The following TMEM63C variants were observed in gnomAD, a reference collection of about 807,000 sequenced individuals.
The protein encoded by TMEM63C is osmosensitive cation channel TMEM63C.
In TMEM63C, 32 loss-of-function variants were observed where a neutral mutation model predicts 99.2. That is an observed-to-expected ratio of 0.32 (90% CI 0.24 to 0.43). The LOEUF (loss-of-function observed/expected upper bound fraction) is 0.43, where lower values mean the gene tolerates loss of function less well. Among genes scored for constraint, TMEM63C ranks in the 20% least tolerant of loss-of-function variants. TMEM63C has a pLI of 1.00. For missense variants in TMEM63C, 826 were observed against 1,053.0 expected (o/e 0.78, Z 2.98); for synonymous variants, 376 against 397.9 (o/e 0.94, Z 0.66).
chr14:77,215,614 A>AAAAAAAAG (rs772701077), intron 2 of TMEM63C, among the ~76,000 whole-genome samples: 50 of 76,552 alleles, frequency 6.5e-4, no homozygotes, highest in Middle Eastern at 8.9e-3. Context: ...AAAAAAAAAA[A>AAAAAAAAG]AAAAGAAAAG....
At chr14:77,189,229 C>T (rs1328514751) in intron 1 of TMEM63C, among the ~76,000 whole-genome samples, 1 of 151,760 alleles carries the variant, frequency 6.6e-6, no homozygotes, top group African/African-American at 2.4e-5. Flanking sequence ...TCCACCTCAG[C>T]CTCCTGAGTA....
chr14:77,248,740 C>T, intron 19 of TMEM63C, 27 bp from the exon 20 acceptor site: 3 of 1,606,538 alleles, frequency 1.9e-6, no homozygotes, highest in Non-Finnish European at 2.6e-6. Flanking sequence ...TGGGCCACCT[C>T]AGGGTGACAC....
chr14:77,245,850 C>G (rs1326913014), intron 16 of TMEM63C, 90 bp from the exon 17 acceptor site: 2 of 945,100 alleles, frequency 2.1e-6, no homozygotes, highest in Non-Finnish European at 3.5e-6. Context: ...CAAACCATAT[C>G]AGTGTCTCTC....
chr14:77,249,195 C>A, intron 20 of TMEM63C, 96 bp from the exon 21 acceptor site: 1 of 1,314,038 alleles, frequency 7.6e-7, no homozygotes, highest in Non-Finnish European at 1.1e-6. Context: ...ACTCTGACAG[C>A]CGTGGATCTG....
rs774505348 is a variant in TMEM63C, at chr14:77,240,587, A to G, written c.1043A>G (p.Gln348Arg). The part of the protein sequence containing the change: ...KRLDLIFVTF[Q>R]DSRMAKRVRK... ...CTGGACCTGATCTTTGTCACCTTCC[A>G]GGACTCCAGGATGGCCAAGCGGTGA... Residue 348 changes from glutamine to arginine, a missense_variant, in exon 13 of 24, where the codon CAG (glutamine) becomes CGG (arginine). Transcript: ENST00000298351. 1.6e-5 allele frequency: 26 copies of G among 1,610,384 alleles called. No homozygotes were observed. The highest frequency in any genetic ancestry group is 1.9e-5 in the Non-Finnish European group (23 of 1,179,860).
At chr14:77,240,026 G>A (rs1163539716) in intron 12 of TMEM63C, among the ~76,000 whole-genome samples, 2 of 152,322 alleles carry the variant, frequency 1.3e-5, no homozygotes, top group East Asian at 3.9e-4. Flanking sequence ...AGGCTGCCAG[G>A]CCTCAGGCTC....
chr14:77,222,639 G>A (rs10400728), intron 5 of TMEM63C, among the ~76,000 whole-genome samples: 17 of 151,890 alleles, frequency 1.1e-4, no homozygotes, highest in African/African-American at 2.9e-4. Context: ...TGAGTCCACC[G>A]TTTAGCTTCT....
intron 19 of TMEM63C, 103 bp downstream of exon 19, chr14:77,248,612 G>A (rs1368390544): frequency 1.3e-5 from 20 of 1,496,670 alleles, no homozygotes; most frequent in African/African-American, 5.5e-5. Flanking sequence ...TGGGAGGGAC[G>A]GTGTGGATGG....
intron 17 of TMEM63C, among the ~76,000 whole-genome samples, chr14:77,246,398 G>A (rs1179907333): frequency 6.6e-6 from 1 of 152,246 alleles, no homozygotes; most frequent in African/African-American, 2.4e-5. Flanking sequence ...ACTGGCCCAG[G>A]TTTGCTGGAG....
chr14:77,237,687 C>T (rs1193507364), intron 9 of TMEM63C, among the ~76,000 whole-genome samples: 2 of 152,230 alleles, frequency 1.3e-5, no homozygotes, highest in African/African-American at 4.8e-5. Flanking sequence ...TGAACATGCC[C>T]CAAGGCCGGG....
chr14:77,230,530 C>T (rs939254565), intron 6 of TMEM63C, among the ~76,000 whole-genome samples: 2 of 152,152 alleles, frequency 1.3e-5, no homozygotes, highest in Non-Finnish European at 2.9e-5. Flanking sequence ...AACCTGGCCC[C>T]GCAGCAGGAG....
At chr14:77,205,199 A>T (rs1399754889) in intron 1 of TMEM63C, among the ~76,000 whole-genome samples, 1 of 152,198 alleles carries the variant, frequency 6.6e-6, no homozygotes, top group Non-Finnish European at 1.5e-5. Context: ...GGGAAGTTTG[A>T]CATGATGAAG....
chr14:77,253,036 C>T lies in TMEM63C; in HGVS notation c.2149-269C>T, dbSNP rs1396855468. Among the ~76,000 whole-genome samples, 3 of 152,220 alleles carry T rather than the reference C, an allele frequency of 2.0e-5. No homozygotes were observed. In the East Asian group the frequency reaches 5.8e-4, roughly 29 times the overall value. On this transcript the variant is annotated intron_variant, in intron 22 of 23. Coordinates refer to ENST00000298351, the MANE Select transcript of TMEM63C (RefSeq NM_020431.4). ...AGGCTTCTCCTGGAGTCAAAGCAGG[C>T]TCATCTTTGAACTTCAATTCCAGCT...
Position 77,248,398 on chromosome 14 carries a change from G to C in TMEM63C, c.1653G>C (p.Thr551=), listed in dbSNP as rs745738879. Reference sequence around the variant, plus strand: ...CCTTCTTTGTCAACTACGTGATCACGGCAGCTTTACTTGGCACAGGCATGG... The same window carrying C: ...CCTTCTTTGTCAACTACGTGATCACCGCAGCTTTACTTGGCACAGGCATGG... ...NGAFFVNYVI[T]AALLGTGMEL... is the part of the protein sequence containing the mutation. Residue 551 remains threonine (T), a synonymous_variant, in exon 19 of 24, where the codon ACG becomes ACC. Transcript: ENST00000298351. The C allele has an allele frequency of 1.2e-6, 2 of 1,608,654 alleles. No individual in the cohort carries two copies. The highest frequency in any genetic ancestry group is 4.5e-5 in the East Asian group (2 of 44,574).
chr14:77,250,680 T>C (rs2140132305), intron 21 of TMEM63C, among the ~76,000 whole-genome samples: 1 of 152,230 alleles, frequency 6.6e-6, no homozygotes, highest in Admixed American at 6.5e-5. Context: ...GCTCAGGCAA[T>C]CCGAGGCAGT....
intron 1 of TMEM63C, among the ~76,000 whole-genome samples, chr14:77,199,120 G>A (rs987028185): frequency 3.3e-5 from 5 of 152,290 alleles, no homozygotes; most frequent in African/African-American, 7.2e-5. Context: ...CAGGGGTGCC[G>A]GAGGAGCTGC....
At position 77,216,276 on chromosome 14, in the gene TMEM63C, G is replaced by A. The variant is rs537378816; in HGVS notation, c.-13-2525G>A. Among the ~76,000 whole-genome samples the A allele has an allele frequency of 3.9e-4, 60 of 152,098 alleles. 1 individual carries two copies. In the South Asian group the frequency reaches 0.012, roughly 32 times the overall value. ...TCCTGCTTTTCCTCCTTCCTCACTG[G>A]CTGCTACTTCTCAGTCTCCTTCTCT... On this transcript the variant is annotated intron_variant, in intron 2 of 23. Transcript: ENST00000298351.
chr14:77,214,480 TC>T (rs1888547551), intron 2 of TMEM63C, among the ~76,000 whole-genome samples: 1 of 151,832 alleles, frequency 6.6e-6, no homozygotes, highest in Non-Finnish European at 1.5e-5. Flanking sequence ...GGTTCCTGCT[TC>T]CCCTCCAACA....
intron 7 of TMEM63C, among the ~76,000 whole-genome samples, chr14:77,232,243 C>A (rs1247724291): frequency 6.6e-6 from 1 of 152,020 alleles, no homozygotes; most frequent in Non-Finnish European, 1.5e-5. Context: ...CCAGAAAATA[C>A]CTTTGCCTAG....
Sources: gnomAD v4.1 joint callset for allele counts (sites outside exome capture counted in the v4.1 genomes callset) on GRCh38, gnomAD v4.1.1 for gene constraint, MANE v1.5 for transcripts, NCBI Gene and HGNC (gene_info 2026-07-23, HGNC 2026-07-21) for gene names.